The following HHAT variants were observed in gnomAD, a reference collection of about 807,000 sequenced individuals.
HHAT encodes hedgehog acyltransferase.
Under a neutral mutation model 70.8 loss-of-function variants are expected in HHAT, and 47 were observed. The observed-to-expected ratio is 0.66, with a 90% CI of 0.53 to 0.85. The LOEUF is 0.85. HHAT is among the 40% of genes least tolerant of loss of function. HHAT has a pLI of 0.00. For synonymous variants in HHAT, 228 were observed against 247.6 expected (o/e 0.92, Z 0.74); for missense variants, 609 against 604.8 (o/e 1.01, Z -0.07).
At chr1:210,563,024 C>T (rs755026479) in intron 9 of HHAT, among the ~76,000 whole-genome samples, 6 of 152,084 alleles carry the variant, frequency 3.9e-5, no homozygotes, top group Admixed American at 1.3e-4. Context: ...AGGCTCAGAA[C>T]GGATAAACTT....
chr1:210,493,358 T>C (rs1415884653), intron 8 of HHAT, among the ~76,000 whole-genome samples: 1 of 152,208 alleles, frequency 6.6e-6, no homozygotes, highest in African/African-American at 2.4e-5. Context: ...AGAGTTGATG[T>C]TCTACTTTTG....
chr1:210,329,287 G>A (rs1406411182), intron 1 of HHAT, 183 bp downstream of exon 1: 49 of 1,226,074 alleles, frequency 4.0e-5, no homozygotes, highest in Non-Finnish European at 4.9e-5. Context: ...AAAGCGGCGG[G>A]GGCCGCGCGC....
At chr1:210,602,756 G>T (rs1664569750) in intron 10 of HHAT, among the ~76,000 whole-genome samples, 1 of 152,204 alleles carries the variant, frequency 6.6e-6, no homozygotes, top group East Asian at 1.9e-4. Flanking sequence ...TGTTATGAAC[G>T]GTGTGTTCCT....
At chr1:210,512,336 C>A (rs911157505) in intron 8 of HHAT, among the ~76,000 whole-genome samples, 1 of 152,090 alleles carries the variant, frequency 6.6e-6, no homozygotes, top group Non-Finnish European at 1.5e-5. Flanking sequence ...CTGCCCCACC[C>A]CCCCTCACCT....
intron 9 of HHAT, among the ~76,000 whole-genome samples, chr1:210,585,749 G>A (rs576656872): frequency 8.5e-5 from 13 of 152,184 alleles, no homozygotes; most frequent in Non-Finnish European, 1.3e-4. Context: ...ATACAGCTTG[G>A]ATAAGGGGGA....
intron 1 of HHAT, among the ~76,000 whole-genome samples, chr1:210,347,823 G>A (rs1184858704): frequency 2.0e-5 from 3 of 152,134 alleles, no homozygotes; most frequent in South Asian, 2.1e-4. Context: ...CTTCATCCAC[G>A]GAGGCTGTTC....
chr1:210,381,443 G>A (rs1235870585), intron 3 of HHAT, among the ~76,000 whole-genome samples: 2 of 152,052 alleles, frequency 1.3e-5, no homozygotes, highest in African/African-American at 4.8e-5. Context: ...AGCACTCCCA[G>A]CTAATATTTG....
chr1:210,362,829 G>C, intron 2 of HHAT, 23 bp from the exon 3 acceptor site: 1 of 1,600,916 alleles, frequency 6.2e-7, no homozygotes. Context: ...TGTGACTAAC[G>C]AAGACTTTTT....
intron 3 of HHAT, among the ~76,000 whole-genome samples, chr1:210,377,715 C>G (rs2090334831): frequency 6.6e-6 from 1 of 152,156 alleles, no homozygotes; most frequent in Non-Finnish European, 1.5e-5. Context: ...TCTTAAGAGG[C>G]TTTCTCTTTT....
chr1:210,475,742 G>C (rs183508249), intron 8 of HHAT, among the ~76,000 whole-genome samples: 48 of 152,222 alleles, frequency 3.2e-4, no homozygotes, highest in Non-Finnish European at 6.9e-4. Context: ...GGCGAATGGC[G>C]TATTCTTTTT....
In HHAT at chr1:210,384,040, ACT is replaced by A. The variant is rs1405649142; in HGVS notation, c.160-3425_160-3424del. On this transcript the variant is annotated intron_variant, in intron 3 of 11. Coordinates refer to ENST00000261458, the MANE Select transcript of HHAT (RefSeq NM_018194.6). Reference sequence around the variant, plus strand: ...AGCTCCTCATGGTGCCTAGAGCAGAACTCTGCTGTGGGTAGGAAAAGAGGCAG... The same window carrying A: ...AGCTCCTCATGGTGCCTAGAGCAGAACTGCTGTGGGTAGGAAAAGAGGCAG... 2.6e-5 allele frequency among the ~76,000 whole-genome samples: 4 copies of A among 152,146 alleles called. No individual in the cohort carries two copies. The South Asian group carries it at 8.3e-4, about 32-fold the overall frequency.
chr1:210,437,036 AGT>A (rs1319131290), intron 7 of HHAT, among the ~76,000 whole-genome samples: 2 of 151,850 alleles, frequency 1.3e-5, no homozygotes, highest in African/African-American at 4.9e-5. Context: ...GAGGTGTAAT[AGT>A]GAGGTACCAC....
intron 9 of HHAT, among the ~76,000 whole-genome samples, chr1:210,515,803 C>G (rs535932376): frequency 6.6e-6 from 1 of 150,462 alleles, no homozygotes; most frequent in African/African-American, 2.4e-5. Context: ...TGCAGTGGCT[C>G]ATGCCTGTAA....
At chr1:210,612,266 C>T (rs980349572) in intron 10 of HHAT, among the ~76,000 whole-genome samples, 1 of 152,206 alleles carries the variant, frequency 6.6e-6, no homozygotes, top group Non-Finnish European at 1.5e-5. Flanking sequence ...TCACCACCCT[C>T]AATCTCCAGA....
At chr1:210,600,578 C>T (rs1423006416) in intron 10 of HHAT, among the ~76,000 whole-genome samples, 1 of 152,112 alleles carries the variant, frequency 6.6e-6, no homozygotes, top group East Asian at 1.9e-4. Context: ...TTGGTTGTGA[C>T]TCACTGAGGC....
intron 8 of HHAT, among the ~76,000 whole-genome samples, chr1:210,478,260 T>G (rs1392059741): frequency 6.6e-6 from 1 of 152,216 alleles, no homozygotes; most frequent in East Asian, 1.9e-4. Context: ...AGATAGCAGA[T>G]TTAATTTTCC....
rs1553245696 is a variant in HHAT at position 210,496,034 on chromosome 1, A to AAG, written c.1008-17118_1008-17117insGA. Among the ~76,000 whole-genome samples, 53 of 149,232 alleles carry AAG rather than the reference A, an allele frequency of 3.6e-4. 2 individuals carry two copies. The East Asian group carries it at 3.6e-3, about 10-fold the overall frequency. ...TCAAAAAAAAAAAAAAAAAAAAGAAAAAGAAAATGGAGTAGAAAATATCAG... is the reference window on the plus strand; with the variant it reads ...TCAAAAAAAAAAAAAAAAAAAAGAAAAGAAGAAAATGGAGTAGAAAATATCAG... On this transcript the variant is annotated intron_variant, in intron 8 of 11. Coordinates refer to ENST00000261458, the MANE Select transcript of HHAT (RefSeq NM_018194.6).
chr1:210,624,493 T>C (rs1442004451), intron 11 of HHAT, among the ~76,000 whole-genome samples: 2 of 152,200 alleles, frequency 1.3e-5, no homozygotes, highest in African/African-American at 2.4e-5. Flanking sequence ...AGAAGCTTCC[T>C]TGTGCTCTCC....
chr1:210,560,321 A>T (rs1435884869), intron 9 of HHAT, among the ~76,000 whole-genome samples: 1 of 151,972 alleles, frequency 6.6e-6, no homozygotes, highest in Non-Finnish European at 1.5e-5. Context: ...TTTTTCCCCC[A>T]CTTAAAAACA....
Sources: allele counts gnomAD v4.1 joint callset (sites outside exome capture counted in the v4.1 genomes callset), GRCh38; gene constraint gnomAD v4.1.1; transcripts MANE v1.5; gene names NCBI Gene and HGNC (gene_info 2026-07-23, HGNC 2026-07-21).